MME: variants seen among roughly 807,000 people sequenced by gnomAD.
MME encodes the protein membrane metalloendopeptidase, also known as neprilysin.
A neutral mutation model predicts 113.2 loss-of-function variants in MME; 98 were observed. The ratio of observed to expected loss-of-function variants is 0.87; its 90% CI spans 0.74 to 1.02. MME has a LOEUF of 1.02. Ranked by LOEUF, MME falls within the 50% of genes least tolerant of loss-of-function variation. The pLI is 0.00. For missense variants in MME, 836 were observed against 896.0 expected, an observed-to-expected ratio of 0.93 and a Z score of 0.86; for synonymous variants, 292 against 300.6, an observed-to-expected ratio of 0.97 and a Z score of 0.30.
intron 1 of MME, among the ~76,000 whole-genome samples, chr3:155,067,203 G>GAA (rs947619861): frequency 1.6e-5 from 1 of 62,378 alleles, no homozygotes; most frequent in African/African-American, 5.6e-5. Context: ...CAGGCAATTT[G>GAA]AAAAAAAAAA....
At chr3:155,055,947 G>C (rs1023525450) in intron 1 of MME, among the ~76,000 whole-genome samples, 2 of 152,034 alleles carry the variant, frequency 1.3e-5, no homozygotes, top group African/African-American at 4.8e-5. Context: ...TTAGGCCATT[G>C]TTTGTTTGTT....
At chr3:155,050,707 G>A (rs1295046060) in intron 1 of MME, among the ~76,000 whole-genome samples, 3 of 152,076 alleles carry the variant, frequency 2.0e-5, no homozygotes, top group Non-Finnish European at 4.4e-5. Flanking sequence ...ATTTGTTTAA[G>A]TTCCTTATAG....
At chr3:155,103,141 A>ATGTCTGG (rs1717404751) in intron 3 of MME, among the ~76,000 whole-genome samples, 1 of 152,074 alleles carries the variant, frequency 6.6e-6, no homozygotes, top group African/African-American at 2.4e-5. Context: ...TAGTTGTTCA[A>ATGTCTGG]TGTCTGGTTT....
intron 17 of MME, among the ~76,000 whole-genome samples, 187 bp from the exon 18 acceptor site, chr3:155,166,715 A>G (rs940379831): frequency 6.6e-6 from 1 of 152,190 alleles, no homozygotes; most frequent in African/African-American, 2.4e-5. Context: ...ACTAAGTGAA[A>G]CTGACATAGT....
At chr3:155,033,326 C>G (rs920063358) in intron 1 of MME, among the ~76,000 whole-genome samples, 5 of 152,088 alleles carry the variant, frequency 3.3e-5, no homozygotes, top group Admixed American at 1.3e-4. Context: ...AGTGAAATCC[C>G]TTAATATATT....
Position 155,115,105 on chromosome 3 carries a change from G to C in MME, c.308G>C (p.Arg103Pro). The C allele has an allele frequency of 6.2e-7, 1 of 1,614,064 alleles. No individual in the cohort carries two copies. The highest frequency in any genetic ancestry group is 8.5e-7 in the Non-Finnish European group (1 of 1,180,000). The change falls in exon 4 of 23, where the codon CGT becomes CCT. Residue 103 changes from arginine (R) to proline (P), a missense_variant. Coordinates refer to ENST00000360490, the MANE Select transcript of MME (RefSeq NM_007289.4). The part of the protein sequence containing the change: ...KRNVIPETSS[R>P]YGNFDILRDE... ...AATGTCATTCCCGAGACCAGCTCCC[G>C]TTACGGCAACTTTGACATTTTAAGA... is the stretch of plus-strand genomic sequence containing the variant.
intron 22 of MME, among the ~76,000 whole-genome samples, chr3:155,179,360 G>C (rs367909951): frequency 5.3e-5 from 8 of 152,282 alleles, no homozygotes; most frequent in East Asian, 3.9e-4. Flanking sequence ...GTCCATGGAA[G>C]GTTTTAAATC....
At chr3:155,177,991 T>C (rs769597514) in intron 22 of MME, among the ~76,000 whole-genome samples, 19 of 152,120 alleles carry the variant, frequency 1.2e-4, no homozygotes, top group Admixed American at 3.9e-4. Context: ...CCACTCTTCA[T>C]GTCCAGGTTC....
At chr3:155,030,113 C>T (rs1417230767) in intron 1 of MME, among the ~76,000 whole-genome samples, 1 of 152,010 alleles carries the variant, frequency 6.6e-6, no homozygotes, top group Non-Finnish European at 1.5e-5. Flanking sequence ...GATCTAAACG[C>T]CATTATTTGT....
intron 1 of MME, among the ~76,000 whole-genome samples, chr3:155,038,463 T>G (rs1017760235): frequency 6.6e-6 from 1 of 152,200 alleles, no homozygotes; most frequent in Non-Finnish European, 1.5e-5. Flanking sequence ...CAAGAACCTT[T>G]CATAGAAAGG....
In MME at chr3:155,182,364, A is replaced by C. The variant is rs1164669033; in HGVS notation, c.*1905A>C. ...TTTTGGCGCTATTACAAATAGTGCA[A>C]CTATGAATGTACTGCATGTTACCAT... On this transcript the variant is annotated 3_prime_UTR_variant, in exon 23 of 23. Coordinates refer to ENST00000360490, the MANE Select transcript of MME (RefSeq NM_007289.4). 1 of 152,202 alleles carries C rather than the reference A, an allele frequency of 6.6e-6. No homozygotes were observed. The highest frequency in any genetic ancestry group is 1.5e-5 in the Non-Finnish European group (1 of 68,042). 9.4% of individuals were successfully genotyped at this position (152,202 alleles called of 1,614,324 possible).
At chr3:155,068,368 A>G (rs941068814) in intron 1 of MME, among the ~76,000 whole-genome samples, 1 of 152,218 alleles carries the variant, frequency 6.6e-6, no homozygotes, top group Non-Finnish European at 1.5e-5. Flanking sequence ...TCTTGATTGG[A>G]TGACTCTTTC....
rs1712980143 is a variant in MME, at chr3:155,031,783, A to T, written c.-11+7459A>T. On this transcript the variant is annotated intron_variant, in intron 1 of 22. Transcript: ENST00000492661. ...AGTGATTCTCCTGCCTCAGCCTCCC[A>T]AGTAGCTGGGATTACAGGTGCCCAC... 2.6e-5 allele frequency among the ~76,000 whole-genome samples: 4 copies of T among 151,994 alleles called. No homozygotes were observed. The South Asian group carries it at 8.3e-4, about 32-fold the overall frequency.
intron 3 of MME, among the ~76,000 whole-genome samples, chr3:155,111,032 A>G (rs1415417164): frequency 6.6e-6 from 1 of 152,246 alleles, no homozygotes; most frequent in Admixed American, 6.5e-5. Flanking sequence ...ACAGATAAGG[A>G]AACATCTGAA....
intron 3 of MME, among the ~76,000 whole-genome samples, chr3:155,105,210 C>G (rs917583655): frequency 6.6e-6 from 1 of 152,068 alleles, no homozygotes; most frequent in Non-Finnish European, 1.5e-5. Flanking sequence ...CTGTGATTAT[C>G]TCAATGAGTT....
intron 1 of MME, among the ~76,000 whole-genome samples, chr3:155,055,465 C>T (rs1227030236): frequency 6.6e-6 from 1 of 151,940 alleles, no homozygotes; most frequent in Non-Finnish European, 1.5e-5. Context: ...GGCATAGTGG[C>T]GTGTGCCTGT....
intron 1 of MME, among the ~76,000 whole-genome samples, chr3:155,071,458 C>T (rs776851374): frequency 6.6e-6 from 1 of 152,130 alleles, no homozygotes; most frequent in African/African-American, 2.4e-5. Context: ...TTCAAATAAT[C>T]ATTTGGTAAT....
intron 16 of MME, among the ~76,000 whole-genome samples, chr3:155,151,380 A>T (rs61760370): frequency 0.021 from 3,155 of 152,288 alleles, 63 homozygotes; most frequent in East Asian, 0.11. Flanking sequence ...ACAGCAACTA[A>T]TGTAAATGAA....
intron 17 of MME, 57 bp downstream of exon 17, chr3:155,160,505 T>G: frequency 1.8e-6 from 2 of 1,140,564 alleles, no homozygotes; most frequent in Non-Finnish European, 2.7e-6. Context: ...CAACCTGTAG[T>G]GCATTGTATG....
Sources: gnomAD v4.1 joint callset for allele counts (sites outside exome capture counted in the v4.1 genomes callset) on GRCh38, gnomAD v4.1.1 for gene constraint, MANE v1.5 for transcripts, NCBI Gene and HGNC (gene_info 2026-07-23, HGNC 2026-07-21) for gene names.